Variants in PFKP observed in about 807,000 individuals in gnomAD.
The protein encoded by PFKP is ATP-dependent 6-phosphofructokinase, platelet type.
In PFKP, 101 loss-of-function variants were observed where a neutral mutation model predicts 94.3. That is an observed-to-expected ratio of 1.07 (90% CI 0.91 to 1.26). The LOEUF (loss-of-function observed/expected upper bound fraction) is 1.26, where lower values mean the gene tolerates loss of function less well. Among genes scored for constraint, PFKP ranks in the 50% most tolerant of loss-of-function variants. The pLI, the probability that PFKP is intolerant of heterozygous loss-of-function variation, is 0.00. For missense variants in PFKP, 1,145 were observed against 1,103.3 expected (o/e 1.04, Z -0.53); for synonymous variants, 573 against 432.6 (o/e 1.32, Z -4.03).
At chr10:3,069,355 G>A (rs1170632835) in intron 1 of PFKP, 2 of 1,589,082 alleles carry the variant, frequency 1.3e-6, no homozygotes, top group South Asian at 1.2e-5. Flanking sequence ...AAATAGCCTG[G>A]CCCGCGTGAC....
At chr10:3,112,602 G>A (rs1194322757) in intron 11 of PFKP, among the ~76,000 whole-genome samples, 1 of 152,198 alleles carries the variant, frequency 6.6e-6, no homozygotes, top group Non-Finnish European at 1.5e-5. Flanking sequence ...CTGTTGCCTA[G>A]GCTAAAGTGC....
At chr10:3,096,700 C>A (rs1834509014) in intron 2 of PFKP, among the ~76,000 whole-genome samples, 1 of 151,830 alleles carries the variant, frequency 6.6e-6, no homozygotes, top group South Asian at 2.1e-4. Flanking sequence ...AGGATCACTG[C>A]AGATGGCAGT....
chr10:3,125,803 C>G (rs1181481279), intron 16 of PFKP, among the ~76,000 whole-genome samples: 2 of 152,198 alleles, frequency 1.3e-5, no homozygotes, highest in Non-Finnish European at 2.9e-5. Context: ...ATGGTGGCCC[C>G]TCCGGTCCCT....
At chr10:3,108,840 G>GC (rs1835884597) in intron 9 of PFKP, 47 bp downstream of exon 9, 1 of 1,377,392 alleles carries the variant, frequency 7.3e-7, no homozygotes, top group East Asian at 2.3e-5. Context: ...CTAGGAGGAA[G>GC]CGTTTCTGGA....
chr10:3,122,389 C>T (rs1837516672), intron 16 of PFKP, among the ~76,000 whole-genome samples: 1 of 150,146 alleles, frequency 6.7e-6, no homozygotes, highest in Non-Finnish European at 1.5e-5. Flanking sequence ...GCTGAGGGTC[C>T]CTCTGTGGAC....
At chr10:3,130,857 C>G (rs1377831204) in intron 17 of PFKP, among the ~76,000 whole-genome samples, 3 of 152,122 alleles carry the variant, frequency 2.0e-5, no homozygotes, top group African/African-American at 4.8e-5. Flanking sequence ...GCGCCCAGCA[C>G]CATTGTCTTT....
chr10:3,099,091 C>A (rs576717053), intron 2 of PFKP, among the ~76,000 whole-genome samples, 184 bp from the exon 3 acceptor site: 27 of 152,312 alleles, frequency 1.8e-4, no homozygotes, highest in Admixed American at 7.2e-4. Flanking sequence ...ACTAGGGACT[C>A]AAGGTGAGGA....
intron 2 of PFKP, among the ~76,000 whole-genome samples, chr10:3,098,937 T>C (rs1290312299): frequency 1.3e-5 from 2 of 152,198 alleles, no homozygotes; most frequent in African/African-American, 4.8e-5. Flanking sequence ...TGCTGAAGTA[T>C]GATAAACACG....
At position 3,116,147 on chromosome 10, in the gene PFKP, T is replaced by TATATAC. The variant is rs555448587; in HGVS notation, c.1372-628_1372-627insTATACA. Among the ~76,000 whole-genome samples, 393 of 152,204 alleles carry TATATAC rather than the reference T, an allele frequency of 2.6e-3. 1 individual carries two copies. The highest frequency in any genetic ancestry group is 7.1e-3 in the African/African-American group (294 of 41,498). Reference sequence around the variant, plus strand: ...TGGTTCTGTCAAATATATATATATATACATACACACCTTGTACAGTATTTA... The same window carrying TATATAC: ...TGGTTCTGTCAAATATATATATATATATATACACATACACACCTTGTACAGTATTTA... On this transcript the variant is annotated intron_variant, in intron 13 of 21. Coordinates refer to ENST00000381125, the MANE Select transcript of PFKP (RefSeq NM_002627.5).
intron 13 of PFKP, 141 bp downstream of exon 13, chr10:3,113,659 T>G: frequency 1.0e-5 from 7 of 676,482 alleles, no homozygotes; most frequent in Non-Finnish European, 1.5e-5. Flanking sequence ...ACTGAAGCAT[T>G]GCTTCTGGAG....
intron 2 of PFKP, among the ~76,000 whole-genome samples, chr10:3,098,609 G>T (rs1834690904): frequency 6.8e-6 from 1 of 146,962 alleles, no homozygotes; most frequent in Non-Finnish European, 1.5e-5. Flanking sequence ...CGGGAGGCAG[G>T]TTGCAGTGAG....
At chr10:3,089,908 G>C (rs1164817143) in intron 2 of PFKP, among the ~76,000 whole-genome samples, 2 of 151,582 alleles carry the variant, frequency 1.3e-5, no homozygotes, top group Non-Finnish European at 2.9e-5. Context: ...CCATCATTCT[G>C]TTCTCTGTCT....
intron 2 of PFKP, among the ~76,000 whole-genome samples, chr10:3,094,471 T>C (rs1834321607): frequency 6.6e-6 from 1 of 152,170 alleles, no homozygotes; most frequent in Non-Finnish European, 1.5e-5. Context: ...TTCTATCAAG[T>C]AATGAAATCA....
chr10:3,135,308 G>A lies in PFKP; in HGVS notation c.2123-428G>A, dbSNP rs571149643. Among the ~76,000 whole-genome samples, 5 of 152,302 alleles carry A rather than the reference G, an allele frequency of 3.3e-5. No individual in the cohort carries two copies. In the South Asian group the frequency reaches 8.3e-4, roughly 25 times the overall value. ...GACAGTCTATAAAAACCAGTGATGT[G>A]AATAGTTTCAATGGGTTTGTCTTTT... On this transcript the variant is annotated intron_variant, in intron 20 of 21. Coordinates refer to ENST00000381125, the MANE Select transcript of PFKP (RefSeq NM_002627.5).
chr10:3,105,366 G>T, intron 6 of PFKP, 27 bp from the exon 7 acceptor site: 1 of 1,575,014 alleles, frequency 6.3e-7, no homozygotes, highest in South Asian at 1.1e-5. Context: ...CTTCTGGGGT[G>T]TTGATGCTGT....
chr10:3,122,511 T>C (rs1230530107), intron 16 of PFKP, among the ~76,000 whole-genome samples: 2 of 152,226 alleles, frequency 1.3e-5, no homozygotes, highest in East Asian at 1.9e-4. Flanking sequence ...GGGTCTGAAC[T>C]GGGCTCGTCT....
chr10:3,133,454 A>G (rs1052968401), intron 19 of PFKP, 140 bp downstream of exon 19: 2 of 653,458 alleles, frequency 3.1e-6, no homozygotes, highest in Non-Finnish European at 5.5e-6. Flanking sequence ...TTTTTGAGAC[A>G]GAGTCTTGCT....
At position 3,132,456 on chromosome 10, in the gene PFKP, C is replaced by T. The variant is rs1021754960; in HGVS notation, c.1910+15C>T. 5 of 1,576,330 alleles carry T rather than the reference C, an allele frequency of 3.2e-6. No homozygotes were observed. The African/African-American group carries it at 5.4e-5, about 17-fold the overall frequency. On this transcript the variant is annotated intron_variant, in intron 18 of 21. Coordinates refer to ENST00000381125, the MANE Select transcript of PFKP (RefSeq NM_002627.5). ...CTTGTGCTCAGGTGAGAGAGAGAGA[C>T]CAGGGGCTGATCTTACCCTCACCGC...
Position 3,075,116 on chromosome 10 carries a change from C to G in PFKP, c.113-7272C>G, listed in dbSNP as rs115969876. 7.4e-3 allele frequency among the ~76,000 whole-genome samples: 1,127 copies of G among 152,334 alleles called. 12 individuals carry two copies. The highest frequency in any genetic ancestry group is 0.026 in the African/African-American group (1,094 of 41,572). The stretch of plus-strand genomic sequence containing the variant: ...AGGAGCATGTCCTTAAGGCACATAT[C>G]TCATGCTACTGCTTGTGGCTTAAGA... On this transcript the variant is annotated intron_variant, in intron 1 of 21. Transcript: ENST00000381125.
Sources: gnomAD v4.1 joint callset for allele counts (sites outside exome capture counted in the v4.1 genomes callset) on GRCh38, gnomAD v4.1.1 for gene constraint, MANE v1.5 for transcripts, NCBI Gene and HGNC (gene_info 2026-07-23, HGNC 2026-07-21) for gene names.